PAPPA2: variants seen among roughly 807,000 people sequenced by gnomAD.
PAPPA2 encodes the protein pappalysin 2, also known as pappalysin-2.
A neutral mutation model predicts 176.4 loss-of-function variants in PAPPA2; 86 were observed. The observed-to-expected ratio is 0.49, with a 90% CI of 0.41 to 0.58. PAPPA2 has a LOEUF of 0.58. PAPPA2 is among the 20% of genes least tolerant of loss of function. The probability of loss-of-function intolerance (pLI) is 0.00; values close to 1 mark genes in which losing one functional copy is unlikely to be tolerated. For synonymous variants in PAPPA2, 809 were observed against 852.2 expected, an observed-to-expected ratio of 0.95 and a Z score of 0.88; for missense variants, 2,073 against 2,256.9, an observed-to-expected ratio of 0.92 and a Z score of 1.65.
At chr1:176,641,049 C>T in intron 3 of PAPPA2, among the ~76,000 whole-genome samples, 1 of 150,124 alleles carries the variant, frequency 6.7e-6, no homozygotes, top group African/African-American at 2.5e-5. Context: ...TTGTTTTTTT[C>T]TTGTAAATTT....
intron 21 of PAPPA2, among the ~76,000 whole-genome samples, chr1:176,824,335 G>A (rs1352332021): frequency 1.3e-5 from 2 of 152,166 alleles, no homozygotes; most frequent in African/African-American, 4.8e-5. Context: ...GAATTTTTCT[G>A]TGTTTATACT....
chr1:176,769,895 G>A (rs1664147160), intron 16 of PAPPA2, 111 bp downstream of exon 16: 1 of 1,175,110 alleles, frequency 8.5e-7, no homozygotes, highest in South Asian at 1.6e-5. Flanking sequence ...TTGCTCCACT[G>A]TGTCACCATC....
intron 1 of PAPPA2, among the ~76,000 whole-genome samples, chr1:176,468,802 T>C (rs1180758844): frequency 6.6e-6 from 1 of 152,240 alleles, no homozygotes; most frequent in Non-Finnish European, 1.5e-5. Flanking sequence ...CAGAGGAATG[T>C]TGATCCATGC....
At chr1:176,614,204 G>C (rs1655085355) in intron 3 of PAPPA2, among the ~76,000 whole-genome samples, 1 of 151,644 alleles carries the variant, frequency 6.6e-6, no homozygotes, top group African/African-American at 2.4e-5. Flanking sequence ...ATGAAAGGAG[G>C]CACTTTGTCT....
chr1:176,554,998 T>TGAGA (rs1398131598), intron 1 of PAPPA2, among the ~76,000 whole-genome samples: 1 of 103,828 alleles, frequency 9.6e-6, no homozygotes, highest in Non-Finnish European at 2.2e-5. Flanking sequence ...TGTGTGTGTG[T>TGAGA]GTGAGAGAGA....
chr1:176,524,248 A>C (rs1185866261), intron 1 of PAPPA2, among the ~76,000 whole-genome samples: 1 of 152,152 alleles, frequency 6.6e-6, no homozygotes, highest in African/African-American at 2.4e-5. Flanking sequence ...TGCAGAGTGC[A>C]CTCAGCTCAG....
intron 1 of PAPPA2, among the ~76,000 whole-genome samples, chr1:176,529,754 G>T (rs1168724648): frequency 6.6e-6 from 1 of 152,120 alleles, no homozygotes; most frequent in Non-Finnish European, 1.5e-5. Flanking sequence ...TTGGCAGCAT[G>T]GTGATCCATC....
chr1:176,549,598 C>G (rs939473958), intron 1 of PAPPA2, among the ~76,000 whole-genome samples: 1 of 152,166 alleles, frequency 6.6e-6, no homozygotes, highest in African/African-American at 2.4e-5. Context: ...TTTATTGAGG[C>G]CATCTGGGTT....
chr1:176,483,368 A>G (rs1344393005), intron 1 of PAPPA2, among the ~76,000 whole-genome samples: 1 of 151,948 alleles, frequency 6.6e-6, no homozygotes, highest in African/African-American at 2.4e-5. Context: ...GGGATATAGA[A>G]GTACTAAATG....
At chr1:176,557,320 G>A (rs1651379075) in intron 2 of PAPPA2, 79 bp downstream of exon 2, 3 of 1,452,838 alleles carry the variant, frequency 2.1e-6, no homozygotes, top group South Asian at 2.8e-5. Flanking sequence ...CATAGGGAGC[G>A]AGGATGGGAA....
At chr1:176,719,200 T>G (rs1661507666) in intron 12 of PAPPA2, among the ~76,000 whole-genome samples, 3 of 151,924 alleles carry the variant, frequency 2.0e-5, no homozygotes. Flanking sequence ...TGCTTCGTGA[T>G]ATCTAAAAGA....
intron 3 of PAPPA2, among the ~76,000 whole-genome samples, chr1:176,612,164 T>G (rs1654963821): frequency 6.6e-6 from 1 of 152,124 alleles, no homozygotes; most frequent in Non-Finnish European, 1.5e-5. Flanking sequence ...GAGGCTGATG[T>G]AGGCAGATCA....
intron 14 of PAPPA2, among the ~76,000 whole-genome samples, chr1:176,741,300 C>T (rs1662668235): frequency 6.6e-6 from 1 of 152,108 alleles, no homozygotes; most frequent in Non-Finnish European, 1.5e-5. Flanking sequence ...ACTCCTGTGG[C>T]TACTATCAGG....
intron 3 of PAPPA2, among the ~76,000 whole-genome samples, chr1:176,645,476 C>A (rs1189253706): frequency 6.6e-6 from 1 of 151,692 alleles, no homozygotes; most frequent in African/African-American, 2.4e-5. Flanking sequence ...ACCACATTTT[C>A]TTATCCATTC....
chr1:176,558,592 A>C (rs1651469841), intron 2 of PAPPA2, among the ~76,000 whole-genome samples: 1 of 152,002 alleles, frequency 6.6e-6, no homozygotes, highest in Admixed American at 6.6e-5. Flanking sequence ...GGGAAAGGGG[A>C]GAAATAAGGG....
chr1:176,792,895 T>G (rs948256917), intron 19 of PAPPA2, among the ~76,000 whole-genome samples: 1 of 152,132 alleles, frequency 6.6e-6, no homozygotes, highest in African/African-American at 2.4e-5. Context: ...TGGAAGGGAA[T>G]AGAGCAAGAT....
chr1:176,564,499 T>C (rs1651847332), intron 2 of PAPPA2, among the ~76,000 whole-genome samples: 1 of 152,258 alleles, frequency 6.6e-6, no homozygotes, highest in African/African-American at 2.4e-5. Context: ...TCATGAGCAG[T>C]AGTTTGCCAA....
At chr1:176,797,677 AAAG>A (rs1665508742) in intron 20 of PAPPA2, among the ~76,000 whole-genome samples, 1 of 151,694 alleles carries the variant, frequency 6.6e-6, no homozygotes, top group African/African-American at 2.4e-5. Context: ...TAATAAAAGA[AAAG>A]AAAATTGTTT....
At chr1:176,653,409 T>C (rs572098838) in intron 3 of PAPPA2, among the ~76,000 whole-genome samples, 5 of 151,838 alleles carry the variant, frequency 3.3e-5, no homozygotes, top group Admixed American at 2.6e-4. Context: ...TTCCTCTTTG[T>C]CTTTCAGGAG....
Sources: gnomAD v4.1 joint callset for allele counts (sites outside exome capture counted in the v4.1 genomes callset) on GRCh38, gnomAD v4.1.1 for gene constraint, MANE v1.5 for transcripts, NCBI Gene and HGNC (gene_info 2026-07-23, HGNC 2026-07-21) for gene names.